The following ARHGEF12 variants were observed in gnomAD, a reference collection of about 807,000 sequenced individuals.
The protein encoded by ARHGEF12 is KMT2A/ARHGEF12 fusion protein.
In ARHGEF12, 66 loss-of-function variants were observed where a neutral mutation model predicts 211.2. The ratio of observed to expected loss-of-function variants is 0.31; its 90% CI spans 0.26 to 0.38. The LOEUF (loss-of-function observed/expected upper bound fraction) is 0.38. Among genes scored for constraint, ARHGEF12 ranks in the 10% least tolerant of loss-of-function variants. The pLI, the probability that ARHGEF12 is intolerant of heterozygous loss-of-function variation, is 1.00. For missense variants in ARHGEF12, 1,429 were observed against 1,869.5 expected (o/e 0.76, Z 4.34); for synonymous variants, 592 against 638.4 (o/e 0.93, Z 1.09).
intron 1 of ARHGEF12, among the ~76,000 whole-genome samples, chr11:120,339,005 CTTTTTT>C (rs906260027): frequency 7.6e-4 from 93 of 121,998 alleles, no homozygotes; most frequent in South Asian, 2.6e-3. Context: ...TTTTCTTTTT[CTTTTTT>C]TTTTTTTTTT....
chr11:120,368,236 T>A (rs1463830717), intron 1 of ARHGEF12, among the ~76,000 whole-genome samples: 1 of 152,268 alleles, frequency 6.6e-6, no homozygotes. Context: ...AACAACATCA[T>A]CTTATATCAT....
At chr11:120,343,819 A>G (rs561602585) in intron 1 of ARHGEF12, among the ~76,000 whole-genome samples, 4 of 152,344 alleles carry the variant, frequency 2.6e-5, no homozygotes, top group African/African-American at 9.6e-5. Flanking sequence ...TTGGTGTTAT[A>G]TAACACATTA....
In ARHGEF12 at chr11:120,449,233, T is replaced by C; in HGVS notation, c.1843+19T>C. Reference sequence around the variant, plus strand: ...AGTGCAAGTATGTTGAAGTTTGAAGTGCTGCATTTTCAGTACTCCAGGCCC... The same window carrying C: ...AGTGCAAGTATGTTGAAGTTTGAAGCGCTGCATTTTCAGTACTCCAGGCCC... On this transcript the variant is annotated intron_variant, in intron 21 of 40. Transcript: ENST00000397843. 1 of 1,603,128 alleles carries C rather than the reference T, an allele frequency of 6.2e-7. No homozygotes were observed. The highest frequency in any genetic ancestry group is 8.5e-7 in the Non-Finnish European group (1 of 1,170,920).
At chr11:120,457,623 C>A in intron 23 of ARHGEF12, 98 bp from the exon 24 acceptor site, 2 of 800,946 alleles carry the variant, frequency 2.5e-6, no homozygotes, top group South Asian at 2.9e-5. Context: ...AATTATTTAT[C>A]AAGCTGCTGG....
rs899029142 is a variant in ARHGEF12 at position 120,458,138 on chromosome 11, T to A, written c.2284T>A (p.Leu762Ile). The A allele has an allele frequency of 5.0e-6, 8 of 1,611,724 alleles. No individual in the cohort carries two copies. In the African/African-American group the frequency reaches 1.1e-4, roughly 22 times the overall value. The change falls in exon 25 of 41, where the codon TTA becomes ATA. Residue 762 changes from leucine to isoleucine, a missense_variant. Physicochemically the swap from Leu to Ile is conservative, Grantham distance 5. Around this residue, in one of 7 missense-constraint regions of ARHGEF12, gnomAD observed 373 missense variants for 467.5 expected, o/e 0.80. Transcript: ENST00000397843. The part of the protein sequence containing the change: ...QSEDEQFEND[L>I]ETDPPNWQQL... Reference sequence around the variant, plus strand: ...TGAGGATGAACAATTTGAAAATGACTTAGAGACAGATCCACCCAACTGGCA... The same window carrying A: ...TGAGGATGAACAATTTGAAAATGACATAGAGACAGATCCACCCAACTGGCA...
At chr11:120,438,638 A>G (rs1206165537) in intron 12 of ARHGEF12, 2 of 152,220 alleles carry the variant, frequency 1.3e-5, no homozygotes, top group Non-Finnish European at 2.9e-5. Flanking sequence ...TATAGCCACT[A>G]TAACTGCTGT....
At chr11:120,431,637 C>G (rs1160094184) in intron 10 of ARHGEF12, 134 bp from the exon 11 acceptor site, 3 of 894,904 alleles carry the variant, frequency 3.4e-6, no homozygotes, top group Non-Finnish European at 4.6e-6. Context: ...TTTAAACATA[C>G]TTGAGCATAT....
Position 120,486,559 on chromosome 11 carries a change from A to T in ARHGEF12, c.*1482A>T. The T allele has an allele frequency of 4.4e-6, 1 of 226,772 alleles. No homozygotes were observed. The allele number at this position is 226,772 out of a possible 1,614,324, so 14.0% of individuals were successfully genotyped here. On this transcript the variant is annotated 3_prime_UTR_variant, in exon 41 of 41. Transcript: ENST00000397843. ...CTTTGGTTTTCCTTGTGCATTAGGT[A>T]TATATTTTTTGAAGTATTTTTGCCA...
At chr11:120,464,857 A>G (rs1946649677) in intron 27 of ARHGEF12, 1 of 162,746 alleles carries the variant, frequency 6.1e-6, no homozygotes, top group East Asian at 1.8e-4. Context: ...AAAATACAAA[A>G]ATTAGCTGGG....
In ARHGEF12 at chr11:120,401,747, C is replaced by T. The variant is rs563923664; in HGVS notation, c.33-4371C>T. ...CCTGATCTTTTTTCTTACAGTGTAA[C>T]GTCTGAGAAGTTCAAGTATTGACAT... On this transcript the variant is annotated intron_variant, in intron 1 of 40. Coordinates refer to ENST00000397843, the MANE Select transcript of ARHGEF12 (RefSeq NM_015313.3). Among the ~76,000 whole-genome samples, 241 of 152,220 alleles carry T rather than the reference C, an allele frequency of 1.6e-3. 1 individual carries two copies. The highest frequency in any genetic ancestry group is 3.5e-4 in the Non-Finnish European group (24 of 68,002).
intron 16 of ARHGEF12, among the ~76,000 whole-genome samples, chr11:120,446,053 C>T (rs944410870): frequency 1.3e-5 from 2 of 151,340 alleles, no homozygotes; most frequent in Non-Finnish European, 2.9e-5. Flanking sequence ...AAAAAAGTAG[C>T]TGGGCGTGGT....
intron 1 of ARHGEF12, among the ~76,000 whole-genome samples, chr11:120,349,670 C>T (rs978904130): frequency 2.0e-5 from 3 of 152,054 alleles, no homozygotes; most frequent in Admixed American, 6.6e-5. Flanking sequence ...GCAGAATTGT[C>T]GTGACGATTA....
chr11:120,478,516 TCTACAGTGG>T (rs1457285756), intron 37 of ARHGEF12, 127 bp downstream of exon 37: 68 of 917,224 alleles, frequency 7.4e-5, no homozygotes, highest in Non-Finnish European at 1.1e-4. Context: ...TATAGTATTC[TCTACAGTGG>T]CCCATGCCAC....
chr11:120,412,058 G>C (rs1352310276), intron 4 of ARHGEF12, among the ~76,000 whole-genome samples: 1 of 152,040 alleles, frequency 6.6e-6, no homozygotes. Flanking sequence ...TGCCCAGTGC[G>C]GTCAGTTGGT....
intron 26 of ARHGEF12, among the ~76,000 whole-genome samples, chr11:120,459,626 A>T (rs897556242): frequency 1.3e-4 from 20 of 152,158 alleles, no homozygotes; most frequent in South Asian, 1.2e-3. Flanking sequence ...AAATATATAT[A>T]TCCAATATAA....
intron 1 of ARHGEF12, among the ~76,000 whole-genome samples, chr11:120,395,639 G>A (rs1405653963): frequency 6.6e-6 from 1 of 152,190 alleles, no homozygotes; most frequent in Non-Finnish European, 1.5e-5. Context: ...AGGCAAGTGA[G>A]GAGCAAAGTC....
rs1943163030 is a variant in ARHGEF12, at chr11:120,357,534, G to T, written c.32+20259G>T. Among the ~76,000 whole-genome samples, 3 of 152,152 alleles carry T rather than the reference G, an allele frequency of 2.0e-5. No individual in the cohort carries two copies. In the South Asian group the frequency reaches 6.2e-4, roughly 31 times the overall value. ...CCTGGAATGTGGGATGTAGTTACTG[G>T]ACAGGTAAGGGATAGAGGAACAATT... is the stretch of plus-strand genomic sequence containing the variant. On this transcript the variant is annotated intron_variant, in intron 1 of 40. Transcript: ENST00000397843.
chr11:120,402,397 G>A (rs1944569668), intron 1 of ARHGEF12, among the ~76,000 whole-genome samples: 1 of 152,088 alleles, frequency 6.6e-6, no homozygotes, highest in South Asian at 2.1e-4. Context: ...ATAAAATGGT[G>A]CTGTATTTCA....
In ARHGEF12 at chr11:120,447,026, G is replaced by A; in HGVS notation, c.1530G>A (p.Leu510=). 2 of 1,614,188 alleles carry A rather than the reference G, an allele frequency of 1.2e-6. No homozygotes were observed. The highest frequency in any genetic ancestry group is 1.7e-5 in the Admixed American group (1 of 60,024). Residue 510 remains leucine (L), a synonymous_variant, in exon 18 of 41, where the codon TTG becomes TTA. Coordinates refer to ENST00000397843, the MANE Select transcript of ARHGEF12 (RefSeq NM_015313.3). ...KLDAERDKDR[L]TLEKERTCAE... The stretch of plus-strand genomic sequence containing the variant: ...ATGCAGAGCGAGACAAGGACCGATT[G>A]ACTTTGGAGAAGGAGCGGACATGTG...
Sources: allele counts gnomAD v4.1 joint callset (sites outside exome capture counted in the v4.1 genomes callset), GRCh38; gene constraint gnomAD v4.1.1; regional missense constraint gnomAD v4.1.1; transcripts MANE v1.5; gene names NCBI Gene and HGNC (gene_info 2026-07-23, HGNC 2026-07-21).